The following ADAMTS18 variants were observed in gnomAD, a reference collection of about 807,000 sequenced individuals.
ADAMTS18 encodes ADAM metallopeptidase with thrombospondin type 1 motif 18, also known as A disintegrin and metalloproteinase with thrombospondin motifs 18.
ADAMTS18 carries 157 observed loss-of-function variants against 165.9 expected under a neutral mutation model. That is an observed-to-expected ratio of 0.95 (90% CI 0.83 to 1.08). The LOEUF is 1.08. ADAMTS18 is among the 50% of genes least tolerant of loss of function. The probability of loss-of-function intolerance (pLI) is 0.00; values close to 1 mark genes in which losing one functional copy is unlikely to be tolerated. For synonymous variants in ADAMTS18, 782 were observed against 578.2 expected (o/e 1.35, Z -5.06); for missense variants, 2,040 against 1,534.0 (o/e 1.33, Z -5.51).
intron 3 of ADAMTS18, among the ~76,000 whole-genome samples, chr16:77,405,923 G>A (rs1159179232): frequency 6.6e-6 from 1 of 152,058 alleles, no homozygotes; most frequent in Non-Finnish European, 1.5e-5. Flanking sequence ...AGGGTTGGAA[G>A]ATGAGAAAGT....
intron 3 of ADAMTS18, among the ~76,000 whole-genome samples, chr16:77,396,725 C>T (rs981038677): frequency 6.6e-6 from 1 of 151,832 alleles, no homozygotes; most frequent in Non-Finnish European, 1.5e-5. Context: ...ATTCCAAAAA[C>T]ATTACTGTTG....
chr16:77,326,056 G>C lies in ADAMTS18; in HGVS notation c.1860-18C>G, dbSNP rs1161792875. ...ACTGAGGCCTGAAAATGAAATTAAT[G>C]AACTTTAATGTTAGTAATCAAAGGG... On this transcript the variant is annotated intron_variant, in intron 12 of 22. Coordinates refer to ENST00000282849, the MANE Select transcript of ADAMTS18 (RefSeq NM_199355.4). 5.0e-6 allele frequency: 8 copies of C among 1,610,696 alleles called. No individual in the cohort carries two copies. The South Asian group carries it at 5.5e-5, about 11-fold the overall frequency.
At chr16:77,338,795 A>C (rs143015850) in intron 11 of ADAMTS18, among the ~76,000 whole-genome samples, 1,611 of 151,782 alleles carry the variant, frequency 0.011, 29 homozygotes, top group African/African-American at 0.037. Flanking sequence ...CTAATAAAAA[A>C]TAGAAAAAAT....
At chr16:77,418,790 T>C (rs373490723) in intron 3 of ADAMTS18, among the ~76,000 whole-genome samples, 6 of 152,226 alleles carry the variant, frequency 3.9e-5, no homozygotes, top group Non-Finnish European at 8.8e-5. Flanking sequence ...GTGGGCACTA[T>C]AGATATTTTC....
intron 3 of ADAMTS18, among the ~76,000 whole-genome samples, chr16:77,418,563 T>C (rs2057559794): frequency 6.6e-6 from 1 of 152,090 alleles, no homozygotes; most frequent in South Asian, 2.1e-4. Flanking sequence ...CCAGACAGCT[T>C]CCCCCTAGAA....
chr16:77,284,123 CTTTTTTT>C lies in ADAMTS18; in HGVS notation c.3551-59_3551-53del, dbSNP rs34369567. 13 of 951,642 alleles carry C rather than the reference CTTTTTTT, an allele frequency of 1.4e-5. No individual in the cohort carries two copies. In the African/African-American group the frequency reaches 1.9e-4, roughly 14 times the overall value. The allele number at this position is 951,642 out of a possible 1,614,324, so 58.9% of individuals were successfully genotyped here. ...GTTGGCTAGGGTGTCTATCCTTTTT[CTTTTTTT>C]TTTTTTTTGAGATGGAGTCTCACTC... On this transcript the variant is annotated intron_variant, in intron 22 of 22. Transcript: ENST00000282849.
In ADAMTS18 at chr16:77,367,492, ACT is replaced by A; in HGVS notation, c.725_726del (p.Glu242ValfsTer32). ...TGCTTTTGCAACCTTCGATGGTGAT[ACT>A]CTGTCTCTCGACTCTGAGATGCATG... ...IPHASQSRETEYHHRRLQKQH... is the reference protein window; with the variant it reads ...IPHASQSRETXYHHRRLQKQH... On this transcript the variant is annotated frameshift_variant, in exon 4 of 23. Transcript: ENST00000282849. LOFTEE classifies it high-confidence loss of function. 2.5e-6 allele frequency: 4 copies of A among 1,614,180 alleles called. No homozygotes were observed. Among genetic ancestry groups the A allele is most frequent in the Non-Finnish European group, 3.4e-6 (4 of 1,180,020 alleles).
chr16:77,316,718 G>A lies in ADAMTS18; in HGVS notation c.2532+3131C>T, dbSNP rs569530881. Among the ~76,000 whole-genome samples, 4 of 152,232 alleles carry A rather than the reference G, an allele frequency of 2.6e-5. No individual in the cohort carries two copies. The South Asian group carries it at 8.3e-4, about 32-fold the overall frequency. The stretch of plus-strand genomic sequence containing the variant: ...AGAGTCTCACTCTGCCACCCAGGCT[G>A]GAGTGCAGTGGTGCGATCTCGGCTT... On this transcript the variant is annotated intron_variant, in intron 16 of 22. Transcript: ENST00000282849.
chr16:77,390,825 T>C (rs1041345751), intron 3 of ADAMTS18, among the ~76,000 whole-genome samples: 1 of 152,180 alleles, frequency 6.6e-6, no homozygotes. Context: ...ATTTGATCCA[T>C]TACAATGAAA....
intron 16 of ADAMTS18, among the ~76,000 whole-genome samples, chr16:77,319,473 T>C (rs2055948147): frequency 1.3e-5 from 2 of 152,130 alleles, no homozygotes; most frequent in Non-Finnish European, 2.9e-5. Context: ...GAAACAGTCT[T>C]GCTCTGTTGC....
At chr16:77,350,060 C>A (rs904567302) in intron 10 of ADAMTS18, among the ~76,000 whole-genome samples, 4 of 152,136 alleles carry the variant, frequency 2.6e-5, no homozygotes, top group Admixed American at 1.3e-4. Flanking sequence ...TCTGTGACAG[C>A]GCTTGGGACC....
intron 3 of ADAMTS18, 97 bp from the exon 4 acceptor site, chr16:77,367,820 G>T: frequency 1.4e-6 from 2 of 1,382,078 alleles, no homozygotes; most frequent in South Asian, 2.3e-5. Flanking sequence ...TCCTGTATGT[G>T]GGCACAGGAG....
At chr16:77,288,311 A>C (rs1304649661) in intron 22 of ADAMTS18, among the ~76,000 whole-genome samples, 1 of 152,098 alleles carries the variant, frequency 6.6e-6, no homozygotes, top group African/African-American at 2.4e-5. Flanking sequence ...GATAGTCTGG[A>C]AGAACATGAC....
chr16:77,334,159 C>CAGTGTTATATATTATATATAATATAT (rs2056243630), intron 12 of ADAMTS18, among the ~76,000 whole-genome samples: 33 of 51,292 alleles, frequency 6.4e-4, no homozygotes, highest in South Asian at 1.3e-3. Context: ...ATATAATATA[C>CAGTGTTATATATTATATATAATATAT]AGTGTTATAT....
intron 21 of ADAMTS18, among the ~76,000 whole-genome samples, chr16:77,290,205 G>C (rs978332015): frequency 6.6e-6 from 1 of 152,120 alleles, no homozygotes; most frequent in Non-Finnish European, 1.5e-5. Flanking sequence ...CTTTAAAGGG[G>C]AAGATAGATA....
chr16:77,323,013 C>A (rs996656748), intron 13 of ADAMTS18, among the ~76,000 whole-genome samples: 5 of 152,140 alleles, frequency 3.3e-5, no homozygotes, highest in Admixed American at 2.0e-4. Flanking sequence ...AGAAAAAAAA[C>A]CATGTCATAA....
At chr16:77,293,036 G>C (rs1265733874) in intron 20 of ADAMTS18, 40 bp downstream of exon 20, 9 of 1,611,796 alleles carry the variant, frequency 5.6e-6, no homozygotes, top group Non-Finnish European at 7.6e-6. Context: ...AGCCAGGATG[G>C]TCTCAATCTC....
chr16:77,385,080 T>G (rs904991508), intron 3 of ADAMTS18, among the ~76,000 whole-genome samples: 1 of 152,028 alleles, frequency 6.6e-6, no homozygotes, highest in African/African-American at 2.4e-5. Context: ...GTCTAATTTT[T>G]GGATTTTCAG....
chr16:77,316,816 T>G (rs1315443244), intron 16 of ADAMTS18, among the ~76,000 whole-genome samples: 1 of 152,066 alleles, frequency 6.6e-6, no homozygotes, highest in Non-Finnish European at 1.5e-5. Context: ...ACTACAGGCA[T>G]GCACCACCAC....
Sources: allele counts gnomAD v4.1 joint callset (sites outside exome capture counted in the v4.1 genomes callset), GRCh38; gene constraint gnomAD v4.1.1; transcripts MANE v1.5; gene names NCBI Gene and HGNC (gene_info 2026-07-23, HGNC 2026-07-21).